KLRG1: variants seen among roughly 807,000 people sequenced by gnomAD.
KLRG1 encodes killer cell lectin like receptor G1.
KLRG1 carries 16 observed loss-of-function variants against 21.8 expected under a neutral mutation model. That is an observed-to-expected ratio of 0.73 (90% CI 0.50 to 1.11). The LOEUF is 1.11. Ranked by LOEUF, KLRG1 falls within the 50% of genes most tolerant of loss-of-function variation. KLRG1 has a pLI of 0.00. For synonymous variants in KLRG1, 69 were observed against 75.9 expected (o/e 0.91, Z 0.47); for missense variants, 173 against 218.3 (o/e 0.79, Z 1.31).
chr12:9,206,353 A>G, the KLRG1 span, among the ~76,000 whole-genome samples: 2 of 152,078 alleles, frequency 1.3e-5, no homozygotes, highest in Non-Finnish European at 2.9e-5. Flanking sequence ...ATTCTAAAGA[A>G]CTATTTTATA....
intron 1 of KLRG1, among the ~76,000 whole-genome samples, chr12:8,968,002 T>G (rs2137242825): frequency 6.6e-6 from 1 of 150,434 alleles, no homozygotes. Flanking sequence ...AGGGAGGGAA[T>G]AAATCAAGAA....
the KLRG1 span, chr12:9,169,290 C>A: frequency 1.1e-6 from 1 of 877,482 alleles, no homozygotes; most frequent in Non-Finnish European, 1.7e-6. Flanking sequence ...AGACTTTAAC[C>A]TTTTTATTGG....
chr12:9,088,666 T>A, the KLRG1 span, among the ~76,000 whole-genome samples: 4 of 152,158 alleles, frequency 2.6e-5, no homozygotes, highest in African/African-American at 9.7e-5. Context: ...GTGTATTAAA[T>A]TTTTCCTGTA....
intron 3 of KLRG1, among the ~76,000 whole-genome samples, chr12:9,004,955 A>G (rs1947425146): frequency 6.6e-6 from 1 of 152,210 alleles, no homozygotes; most frequent in Non-Finnish European, 1.5e-5. Context: ...TTATATATAT[A>G]GGGTATTTAT....
chr12:9,068,363 A>C, the KLRG1 span: 2 of 854,230 alleles, frequency 2.3e-6, no homozygotes, highest in Non-Finnish European at 3.6e-6. Context: ...AGCATCATTC[A>C]TCTGATGTGT....
the KLRG1 span, chr12:9,101,229 G>T: frequency 1.9e-6 from 3 of 1,551,674 alleles, no homozygotes; most frequent in Non-Finnish European, 1.7e-6. Context: ...GAAATAAAAA[G>T]AAATTAAATG....
the KLRG1 span, among the ~76,000 whole-genome samples, chr12:9,070,172 C>T: frequency 6.6e-6 from 1 of 152,076 alleles, no homozygotes; most frequent in Non-Finnish European, 1.5e-5. Flanking sequence ...ATAGTTTATG[C>T]CAATCAGTCA....
chr12:9,025,402 C>T, the KLRG1 span, among the ~76,000 whole-genome samples: 76 of 152,070 alleles, frequency 5.0e-4, no homozygotes, highest in African/African-American at 1.7e-3. Flanking sequence ...TTTGGGAGGC[C>T]GAGGCAGGCA....
chr12:8,994,213 G>A (rs929142931), intron 2 of KLRG1, among the ~76,000 whole-genome samples: 3 of 152,124 alleles, frequency 2.0e-5, no homozygotes, highest in Non-Finnish European at 4.4e-5. Flanking sequence ...ACAGGCGGGT[G>A]CCACCATGCC....
At chr12:9,095,808 G>A in the KLRG1 span, 6 of 905,824 alleles carry the variant, frequency 6.6e-6, no homozygotes, top group Admixed American at 3.1e-5. Flanking sequence ...GCCGGACCGC[G>A]GACTGCAGTG....
the KLRG1 span, among the ~76,000 whole-genome samples, chr12:9,186,815 C>T: frequency 7.6e-6 from 1 of 132,364 alleles, no homozygotes; most frequent in Non-Finnish European, 1.5e-5. Flanking sequence ...AACACATGGA[C>T]ACAGGGAGGG....
the KLRG1 span, chr12:9,104,130 T>A: frequency 8.7e-7 from 1 of 1,143,188 alleles, no homozygotes; most frequent in Non-Finnish European, 1.2e-6. Flanking sequence ...AATTGCTAGT[T>A]TTTTTCTCTC....
At chr12:9,128,614 C>G in the KLRG1 span, 2 of 152,238 alleles carry the variant, frequency 1.3e-5, no homozygotes, top group African/African-American at 4.8e-5. Flanking sequence ...AAGATCCTTA[C>G]AGCAACCTGC....
intron 1 of KLRG1, among the ~76,000 whole-genome samples, chr12:8,971,928 A>G (rs1483031758): frequency 1.3e-5 from 2 of 152,236 alleles, no homozygotes; most frequent in Non-Finnish European, 2.9e-5. Context: ...TATATGGTTT[A>G]CAAATATTTT....
chr12:9,174,544 T>C, the KLRG1 span, among the ~76,000 whole-genome samples: 3 of 151,858 alleles, frequency 2.0e-5, no homozygotes, highest in Non-Finnish European at 2.9e-5. Context: ...CTTTATTTGA[T>C]TTTATATCTA....
chr12:8,976,135 T>G (rs750813566), intron 1 of KLRG1, among the ~76,000 whole-genome samples: 1 of 152,174 alleles, frequency 6.6e-6, no homozygotes, highest in Non-Finnish European at 1.5e-5. Flanking sequence ...TTGCTTTTAC[T>G]GCATCCCATA....
intron 3 of KLRG1, among the ~76,000 whole-genome samples, chr12:9,006,795 C>T (rs1243996946): frequency 6.6e-6 from 1 of 152,164 alleles, no homozygotes; most frequent in Non-Finnish European, 1.5e-5. Context: ...CCTAAATCCT[C>T]ATAAAGAAGT....
chr12:9,013,707 G>A (rs1174887901), downstream of KLRG1, among the ~76,000 whole-genome samples: 2 of 152,008 alleles, frequency 1.3e-5, no homozygotes, highest in East Asian at 3.9e-4. Context: ...TCACTATAAT[G>A]AGAATAGCAT....
chr12:9,208,365 G>A, the KLRG1 span: 4 of 1,591,420 alleles, frequency 2.5e-6, no homozygotes, highest in East Asian at 4.5e-5. Context: ...TCTCAGGGTT[G>A]TGTCCAACTC....
Sources: allele counts gnomAD v4.1 joint callset (sites outside exome capture counted in the v4.1 genomes callset), GRCh38; gene constraint gnomAD v4.1.1; transcripts MANE v1.5; gene names NCBI Gene and HGNC (gene_info 2026-07-23, HGNC 2026-07-21).